Variants in RERE observed in about 807,000 individuals in gnomAD.
RERE encodes the protein arginine-glutamic acid dipeptide repeats protein.
A neutral mutation model predicts 146.1 loss-of-function variants in RERE; 40 were observed. That is an observed-to-expected ratio of 0.27 (90% CI 0.21 to 0.36). The LOEUF (loss-of-function observed/expected upper bound fraction) is 0.36. RERE is among the 10% of genes least tolerant of loss of function. The pLI is 1.00. For synonymous variants in RERE, 1,003 were observed against 866.0 expected, an observed-to-expected ratio of 1.16 and a Z score of -2.78; for missense variants, 1,933 against 2,138.7, an observed-to-expected ratio of 0.90 and a Z score of 1.90.
intron 22 of RERE, 125 bp downstream of exon 22, chr1:8,355,294 G>C: frequency 8.4e-7 from 1 of 1,191,166 alleles, no homozygotes; most frequent in African/African-American, 1.5e-5. Context: ...CCATCACCAT[G>C]GTTCCACAAT....
chr1:8,405,564 T>C (rs909428700), intron 12 of RERE, among the ~76,000 whole-genome samples: 4 of 152,230 alleles, frequency 2.6e-5, no homozygotes, highest in African/African-American at 2.4e-5. Flanking sequence ...TATTTATTGA[T>C]ATATGCCTAG....
rs760644002 is a variant in RERE, at chr1:8,359,789, C to T, written c.3593G>A (p.Arg1198Gln). 114 of 1,601,280 alleles carry T rather than the reference C, an allele frequency of 7.1e-5. No individual in the cohort carries two copies. Among genetic ancestry groups the T allele is most frequent in the Non-Finnish European group, 8.1e-5 (95 of 1,178,694 alleles). ...AGCCGCCCGCTCTGCCTCGCGCTCCCGCTCTCGCTCCCGCTCCCGCTCCTT... is the reference window on the plus strand; with the variant it reads ...AGCCGCCCGCTCTGCCTCGCGCTCCTGCTCTCGCTCCCGCTCCCGCTCCTT... ...KEKERERERE[R>Q]EREAERAAKA... The change falls in exon 19 of 23, where the codon CGG becomes CAG. Residue 1198 changes from arginine to glutamine, a missense_variant. Physicochemically the swap from Arg to Gln is conservative, Grantham distance 43 (BLOSUM62 1). Transcript: ENST00000400908.
chr1:8,678,524 C>T (rs964210369), intron 1 of RERE, among the ~76,000 whole-genome samples: 17 of 150,460 alleles, frequency 1.1e-4, no homozygotes, highest in Non-Finnish European at 1.8e-4. Context: ...TGGTGGCACG[C>T]GCCTGTAGTC....
chr1:8,555,463 C>T (rs966044797), intron 6 of RERE, among the ~76,000 whole-genome samples: 1 of 152,162 alleles, frequency 6.6e-6, no homozygotes, highest in Non-Finnish European at 1.5e-5. Context: ...CTGACTTTAG[C>T]TATGTAGCTT....
chr1:8,707,019 AG>A (rs1279122006), intron 1 of RERE, among the ~76,000 whole-genome samples: 3 of 152,204 alleles, frequency 2.0e-5, no homozygotes, highest in African/African-American at 7.2e-5. Flanking sequence ...GCATTCCACA[AG>A]GGATTCCTTG....
intron 12 of RERE, among the ~76,000 whole-genome samples, chr1:8,404,414 T>G (rs557266477): frequency 6.6e-6 from 1 of 151,054 alleles, no homozygotes; most frequent in East Asian, 2.0e-4. Flanking sequence ...TGAGACTCTG[T>G]CTCAAAAAAA....
intron 1 of RERE, among the ~76,000 whole-genome samples, chr1:8,772,923 C>T (rs1164535972): frequency 6.6e-6 from 1 of 152,268 alleles, no homozygotes; most frequent in African/African-American, 2.4e-5. Context: ...ACCCCATCTA[C>T]TAAAAGTACA....
chr1:8,550,908 T>C (rs943815725), intron 6 of RERE, among the ~76,000 whole-genome samples: 5 of 152,232 alleles, frequency 3.3e-5, no homozygotes, highest in Admixed American at 2.6e-4. Flanking sequence ...ATGTGACTAA[T>C]CTGTTTCAAG....
At chr1:8,673,515 G>T (rs1638768106) in intron 1 of RERE, among the ~76,000 whole-genome samples, 1 of 152,076 alleles carries the variant, frequency 6.6e-6, no homozygotes, top group Non-Finnish European at 1.5e-5. Flanking sequence ...CATACCCCCT[G>T]ACAATGCCTA....
intron 6 of RERE, among the ~76,000 whole-genome samples, chr1:8,550,560 T>A (rs748124776): frequency 1.2e-4 from 18 of 152,134 alleles, no homozygotes; most frequent in Non-Finnish European, 2.4e-4. Context: ...TTTTTTGTTT[T>A]TTTTGAGACA....
At position 8,354,784 on chromosome 1, in the gene RERE, G is replaced by C. The variant is rs945159220; in HGVS notation, c.*303C>G. 5.0e-6 allele frequency: 2 copies of C among 400,868 alleles called. No individual in the cohort carries two copies. Among genetic ancestry groups the C allele is most frequent in the Non-Finnish European group, 8.8e-6 (2 of 226,952 alleles). The allele number at this position is 400,868 out of a possible 1,614,324, so 24.8% of individuals were successfully genotyped here. ...ATTCTAGCACCTACTGAGAAATCAA[G>C]GAAAAGAAAACTAAAGCCAAACCCC... On this transcript the variant is annotated 3_prime_UTR_variant, in exon 23 of 23. Transcript: ENST00000400908.
chr1:8,550,197 A>C (rs1035960733), intron 6 of RERE, among the ~76,000 whole-genome samples: 3 of 152,216 alleles, frequency 2.0e-5, no homozygotes, highest in Non-Finnish European at 4.4e-5. Flanking sequence ...AAATAAAAGA[A>C]AGTTTTTCAA....
intron 7 of RERE, among the ~76,000 whole-genome samples, chr1:8,529,100 T>C (rs1336884789): frequency 6.6e-6 from 1 of 152,054 alleles, no homozygotes; most frequent in Admixed American, 6.6e-5. Context: ...AAAATAAATA[T>C]AAAGCAAATA....
At chr1:8,429,110 G>A (rs1368811012) in intron 11 of RERE, among the ~76,000 whole-genome samples, 1 of 152,164 alleles carries the variant, frequency 6.6e-6, no homozygotes, top group Non-Finnish European at 1.5e-5. Context: ...GCGCTATAAC[G>A]TGCCAGCCAC....
At chr1:8,670,674 C>A (rs768729862) in intron 1 of RERE, among the ~76,000 whole-genome samples, 4 of 152,196 alleles carry the variant, frequency 2.6e-5, no homozygotes, top group Non-Finnish European at 5.9e-5. Context: ...GAGAGAAAAG[C>A]AAGCACAAAG....
intron 11 of RERE, chr1:8,430,076 C>G (rs1182380335): frequency 6.6e-6 from 1 of 152,224 alleles, no homozygotes; most frequent in East Asian, 1.9e-4. Context: ...CACTGATAAA[C>G]CACTGGATGA....
At chr1:8,584,622 T>C (rs1282721299) in intron 4 of RERE, among the ~76,000 whole-genome samples, 1 of 151,896 alleles carries the variant, frequency 6.6e-6, no homozygotes, top group Non-Finnish European at 1.5e-5. Context: ...TAAGGACTAG[T>C]GGTGAAGATG....
At chr1:8,814,235 T>A (rs1295293368) in intron 1 of RERE, among the ~76,000 whole-genome samples, 1 of 152,232 alleles carries the variant, frequency 6.6e-6, no homozygotes, top group Non-Finnish European at 1.5e-5. Flanking sequence ...GGAACAGATG[T>A]TTATCCTACA....
At chr1:8,496,662 C>T (rs1044243768) in intron 9 of RERE, among the ~76,000 whole-genome samples, 14 of 152,164 alleles carry the variant, frequency 9.2e-5, no homozygotes, top group African/African-American at 1.9e-4. Flanking sequence ...TGCTCTGTGA[C>T]GACCGCTCTG....
Sources: allele counts gnomAD v4.1 joint callset (sites outside exome capture counted in the v4.1 genomes callset), GRCh38; gene constraint gnomAD v4.1.1; transcripts MANE v1.5; gene names NCBI Gene and HGNC (gene_info 2026-07-23, HGNC 2026-07-21).